The following TMEM204 variants were observed in gnomAD, a reference collection of about 807,000 sequenced individuals.
The protein encoded by TMEM204 is claudin-like protein 24.
A neutral mutation model predicts 19.4 loss-of-function variants in TMEM204; 15 were observed. That is an observed-to-expected ratio of 0.77 (90% confidence interval 0.52 to 1.19). The LOEUF (loss-of-function observed/expected upper bound fraction) is 1.19, where lower values mean the gene tolerates loss of function less well. Ranked by LOEUF, TMEM204 falls within the 50% of genes most tolerant of loss-of-function variation. The pLI is 0.00. For missense variants in TMEM204, 287 were observed against 321.2 expected, an observed-to-expected ratio of 0.89 and a Z score of 0.81; for synonymous variants, 161 against 146.0, an observed-to-expected ratio of 1.10 and a Z score of -0.74.
intron 1 of TMEM204, among the ~76,000 whole-genome samples, chr16:1,539,249 C>T (rs906719123): frequency 9.2e-5 from 14 of 151,610 alleles, no homozygotes; most frequent in South Asian, 2.1e-4. Flanking sequence ...CCAAGCCACA[C>T]GGTGCCAAGC....
intron 2 of TMEM204, among the ~76,000 whole-genome samples, chr16:1,542,431 C>T (rs2031739223): frequency 1.3e-5 from 2 of 152,230 alleles, no homozygotes; most frequent in Admixed American, 1.3e-4. Context: ...TGGGTCCTGC[C>T]CCTTCCTCAA....
intron 1 of TMEM204, among the ~76,000 whole-genome samples, chr16:1,539,009 C>T (rs1161888906): frequency 2.6e-5 from 4 of 151,620 alleles, no homozygotes; most frequent in African/African-American, 7.3e-5. Flanking sequence ...TGCCACGCGG[C>T]CCCCCACCTC....
At chr16:1,545,796 C>T (rs1303475556) in intron 2 of TMEM204, among the ~76,000 whole-genome samples, 1 of 152,222 alleles carries the variant, frequency 6.6e-6, no homozygotes, top group African/African-American at 2.4e-5. Flanking sequence ...GGCGATGGGG[C>T]CTGTGCTTTT....
intron 2 of TMEM204, 31 bp from the exon 3 acceptor site, chr16:1,554,751 C>G: frequency 6.2e-7 from 1 of 1,609,986 alleles, no homozygotes; most frequent in Non-Finnish European, 8.5e-7. Flanking sequence ...TCCTCTCAGA[C>G]AAGGCCTCTC....
chr16:1,540,750 T>C (rs867157972), intron 1 of TMEM204: 2 of 856,556 alleles, frequency 2.3e-6, no homozygotes, highest in African/African-American at 3.7e-5. Flanking sequence ...CCCTGAAATT[T>C]CAAGGCAAGT....
intron 2 of TMEM204, among the ~76,000 whole-genome samples, chr16:1,547,931 C>G (rs985044341): frequency 1.3e-5 from 2 of 152,208 alleles, no homozygotes; most frequent in Non-Finnish European, 2.9e-5. Flanking sequence ...CCCGCTTCAG[C>G]CTCTCAAAGT....
intron 1 of TMEM204, among the ~76,000 whole-genome samples, chr16:1,538,981 C>A (rs1328169903): frequency 6.6e-6 from 1 of 152,298 alleles, no homozygotes. Flanking sequence ...CTACCTCAGG[C>A]CTCACCAAGC....
rs552927828 is a variant in TMEM204 at position 1,540,436 on chromosome 16, C to G, written c.281-1485C>G. ...GCCTGCCCCGTGCACGCGTGAACCT[C>G]GACAGCTTCCCCTGCTGGGCTGGCT... On this transcript the variant is annotated intron_variant, in intron 1 of 2. Transcript: ENST00000566264. Among the ~76,000 whole-genome samples the G allele has an allele frequency of 5.9e-5, 9 of 152,362 alleles. No individual in the cohort carries two copies. The South Asian group carries it at 1.9e-3, about 32-fold the overall frequency.
Position 1,534,113 on chromosome 16 carries a change from G to A in TMEM204, c.-163G>A, listed in dbSNP as rs1043863135. On this transcript the variant is annotated 5_prime_UTR_variant, in exon 1 of 3. Transcript: ENST00000566264. ...AGGAAGGAGGATAAGGCCGGGCCGA[G>A]AGGCGGCACACCTGGACCATCCCAT... The A allele has an allele frequency of 3.9e-5, 32 of 829,648 alleles. No individual in the cohort carries two copies. The African/African-American group carries it at 5.5e-4, about 14-fold the overall frequency. 51.4% of individuals were successfully genotyped at this position (829,648 alleles called of 1,614,324 possible).
intron 2 of TMEM204, among the ~76,000 whole-genome samples, chr16:1,548,902 G>A (rs2032401608): frequency 6.6e-6 from 1 of 152,206 alleles, no homozygotes; most frequent in Non-Finnish European, 1.5e-5. Context: ...GCTTTTTACT[G>A]CTGACAGGTG....
intron 2 of TMEM204, among the ~76,000 whole-genome samples, chr16:1,549,611 T>C (rs2032469103): frequency 6.6e-6 from 1 of 152,168 alleles, no homozygotes; most frequent in African/African-American, 2.4e-5. Context: ...TTTGTACCTT[T>C]AGTAGAGATG....
In TMEM204 at chr16:1,535,835, G is replaced by A. The variant is rs1430666069; in HGVS notation, c.280+1280G>A. 4.6e-5 allele frequency among the ~76,000 whole-genome samples: 7 copies of A among 152,200 alleles called. No homozygotes were observed. In the East Asian group the frequency reaches 1.4e-3, roughly 29 times the overall value. On this transcript the variant is annotated intron_variant, in intron 1 of 2. Transcript: ENST00000566264. The stretch of plus-strand genomic sequence containing the variant: ...GGGACCAACAGCCGTCTTTTAAAAA[G>A]ATCAAAGCCTATGAATAACTTCAAA...
At chr16:1,546,232 A>G (rs1336468916) in intron 2 of TMEM204, among the ~76,000 whole-genome samples, 1 of 152,282 alleles carries the variant, frequency 6.6e-6, no homozygotes, top group Non-Finnish European at 1.5e-5. Flanking sequence ...CTGGCACCTG[A>G]CGCCTGAGTG....
intron 2 of TMEM204, among the ~76,000 whole-genome samples, chr16:1,544,870 G>C (rs962895448): frequency 1.8e-4 from 28 of 151,750 alleles, no homozygotes; most frequent in Non-Finnish European, 3.4e-4. Context: ...GGATGGTCTC[G>C]ATCTCCTGAC....
upstream of TMEM204, chr16:1,531,330 G>A (rs2030468887): frequency 6.6e-6 from 1 of 152,232 alleles, no homozygotes; most frequent in Non-Finnish European, 1.5e-5. The surrounding 1 kb of genome is among the most constrained non-coding windows in gnomAD (Gnocchi z 4.7). Flanking sequence ...TCCTGCAGAA[G>A]CTCTGCCGAG....
intron 1 of TMEM204, among the ~76,000 whole-genome samples, chr16:1,538,255 C>T (rs937154611): frequency 1.3e-5 from 2 of 152,172 alleles, no homozygotes; most frequent in Non-Finnish European, 1.5e-5. Context: ...TTGTGGGGCA[C>T]GGCTGCTGCA....
chr16:1,534,590 G>T, intron 1 of TMEM204, 35 bp downstream of exon 1: 1 of 1,596,424 alleles, frequency 6.3e-7, no homozygotes, highest in South Asian at 1.1e-5. Flanking sequence ...CCTTCAGCGT[G>T]GCCGAGGCTC....
At chr16:1,535,992 G>C (rs1231223661) in intron 1 of TMEM204, among the ~76,000 whole-genome samples, 1 of 152,254 alleles carries the variant, frequency 6.6e-6, no homozygotes, top group Non-Finnish European at 1.5e-5. Flanking sequence ...CCCCGTTACT[G>C]TGCTGAACCT....
chr16:1,540,831 G>C (rs1327196930), intron 1 of TMEM204: 1 of 985,406 alleles, frequency 1.0e-6, no homozygotes, highest in Non-Finnish European at 1.2e-6. Context: ...TTGTTCAATA[G>C]AAAACAAGGC....
Sources: allele counts gnomAD v4.1 joint callset (sites outside exome capture counted in the v4.1 genomes callset), GRCh38; gene constraint gnomAD v4.1.1; non-coding constraint Gnocchi (gnomAD v3.1); transcripts MANE v1.5; gene names NCBI Gene and HGNC (gene_info 2026-07-23, HGNC 2026-07-21).